The following COL14A1 variants were observed in gnomAD, a reference collection of about 807,000 sequenced individuals.
COL14A1 encodes the protein collagen type XIV alpha 1 chain.
A neutral mutation model predicts 230.3 loss-of-function variants in COL14A1; 136 were observed. The ratio of observed to expected loss-of-function variants is 0.59; its 90% CI spans 0.51 to 0.68. The LOEUF is 0.68. Ranked by LOEUF, COL14A1 falls within the 30% of genes least tolerant of loss-of-function variation. The pLI, the probability that COL14A1 is intolerant of heterozygous loss-of-function variation, is 0.00. For missense variants in COL14A1, 1,976 were observed against 2,215.8 expected, an observed-to-expected ratio of 0.89 and a Z score of 2.17; for synonymous variants, 792 against 784.1, an observed-to-expected ratio of 1.01 and a Z score of -0.17.
chr8:120,349,763 G>A (rs1379239800), intron 45 of COL14A1, among the ~76,000 whole-genome samples: 1 of 132,438 alleles, frequency 7.6e-6, no homozygotes, highest in African/African-American at 3.2e-5. Flanking sequence ...CATCTGATTG[G>A]TTTACCTGAA....
intron 46 of COL14A1, among the ~76,000 whole-genome samples, chr8:120,368,713 G>T (rs1169104667): frequency 6.6e-6 from 1 of 151,774 alleles, no homozygotes; most frequent in African/African-American, 2.4e-5. Context: ...CTAGCTTAAA[G>T]AAATTTTGGA....
At chr8:120,253,447 A>G (rs908405329) in intron 22 of COL14A1, among the ~76,000 whole-genome samples, 1 of 152,190 alleles carries the variant, frequency 6.6e-6, no homozygotes. Context: ...ACATATTTTA[A>G]AAGACTGAGA....
intron 22 of COL14A1, among the ~76,000 whole-genome samples, chr8:120,252,339 G>T (rs543864456): frequency 6.6e-6 from 1 of 151,930 alleles, no homozygotes; most frequent in African/African-American, 2.4e-5. Flanking sequence ...CCCTCACCCC[G>T]CTTCCAAACC....
At chr8:120,132,787 A>C (rs1464749377) in intron 1 of COL14A1, among the ~76,000 whole-genome samples, 1 of 152,172 alleles carries the variant, frequency 6.6e-6, no homozygotes, top group East Asian at 1.9e-4. Flanking sequence ...ATTATACAGG[A>C]ATTATGAATA....
intron 33 of COL14A1, among the ~76,000 whole-genome samples, 161 bp downstream of exon 33, chr8:120,286,131 T>C (rs1319445333): frequency 6.6e-6 from 1 of 152,120 alleles, no homozygotes; most frequent in East Asian, 1.9e-4. Flanking sequence ...GATTCTGATT[T>C]GGTAGTTCTG....
chr8:120,236,329 T>G (rs974807022), intron 19 of COL14A1, among the ~76,000 whole-genome samples: 1 of 152,226 alleles, frequency 6.6e-6, no homozygotes, highest in Non-Finnish European at 1.5e-5. Context: ...TTTAGGATAG[T>G]TAGCTCCTCT....
At chr8:120,152,241 C>A (rs867077104) in intron 2 of COL14A1, among the ~76,000 whole-genome samples, 3 of 151,790 alleles carry the variant, frequency 2.0e-5, no homozygotes, top group Non-Finnish European at 4.4e-5. Flanking sequence ...GCGGGCGGAT[C>A]ACGAGGTCAG....
At chr8:120,203,621 G>A in intron 8 of COL14A1, 88 bp from the exon 9 acceptor site, 1 of 1,208,510 alleles carries the variant, frequency 8.3e-7, no homozygotes, top group Non-Finnish European at 1.2e-6. Flanking sequence ...AGTGAAGATT[G>A]ACTGACTGGG....
chr8:120,257,307 A>T (rs531006640), intron 23 of COL14A1, among the ~76,000 whole-genome samples: 1 of 152,254 alleles, frequency 6.6e-6, no homozygotes, highest in South Asian at 2.1e-4. Context: ...TGTACTTCTC[A>T]TCAACATTTG....
At position 120,158,281 on chromosome 8, in the gene COL14A1, G is replaced by T. The variant is rs1384234419; in HGVS notation, c.205+35G>T. On this transcript the variant is annotated intron_variant, in intron 3 of 47. Transcript: ENST00000297848. ...ATTGACTTTGTTTTGTAGAGCATTA[G>T]CAACTTTTCATGCATAGGCAACTAA... 2.4e-6 allele frequency: 3 copies of T among 1,257,980 alleles called. No homozygotes were observed. The African/African-American group carries it at 4.4e-5, about 19-fold the overall frequency. 77.9% of individuals were successfully genotyped at this position (1,257,980 alleles called of 1,614,324 possible).
Position 120,247,595 on chromosome 8 carries a change from C to G in COL14A1, c.2480-18C>G. On this transcript the variant is annotated intron_variant, in intron 20 of 47. Transcript: ENST00000297848. ...AAATTACACTGAATCCCTGTTTTTC[C>G]TTTTCTTTTCTACTCAGTACCATCC... 1 of 1,597,908 alleles carries G rather than the reference C, an allele frequency of 6.3e-7. No individual in the cohort carries two copies.
At chr8:120,212,375 T>G (rs1817636576) in intron 12 of COL14A1, 73 bp from the exon 13 acceptor site, 2 of 1,515,320 alleles carry the variant, frequency 1.3e-6, no homozygotes, top group Non-Finnish European at 1.8e-6. Context: ...AGTCTCACCT[T>G]TGTTCTGTTC....
At chr8:120,275,232 A>T (rs961081385) in intron 26 of COL14A1, among the ~76,000 whole-genome samples, 1 of 152,038 alleles carries the variant, frequency 6.6e-6, no homozygotes, top group African/African-American at 2.4e-5. Context: ...ATTCAAAAAC[A>T]TAAATTGGGG....
At chr8:120,258,806 G>C (rs1819240984) in intron 23 of COL14A1, among the ~76,000 whole-genome samples, 1 of 152,158 alleles carries the variant, frequency 6.6e-6, no homozygotes, top group Non-Finnish European at 1.5e-5. Flanking sequence ...TCAGAGCCCT[G>C]TGAGGTCCTC....
Position 120,203,771 on chromosome 8 carries a change from G to A in COL14A1, c.940G>A (p.Val314Met). The A allele has an allele frequency of 2.5e-6, 4 of 1,613,954 alleles. No individual in the cohort carries two copies. The highest frequency in any genetic ancestry group is 3.4e-6 in the Non-Finnish European group (4 of 1,179,926). Residue 314 changes from valine (V) to methionine (M), a missense_variant, in exon 9 of 48, where the codon GTG (valine) becomes ATG (methionine). This residue lies in a region of COL14A1 where 1,791 missense variants were observed against 2,019.5 expected (regional missense o/e 0.89). Transcript: ENST00000297848. Reference protein sequence around the residue: ...EIASEPDSTHVYNVAEFDLMH... With the variant: ...EIASEPDSTHMYNVAEFDLMH... ...CGCCTCTGAACCAGACAGCACTCAT[G>A]TGTACAATGTTGCCGAATTCGATCT...
intron 42 of COL14A1, among the ~76,000 whole-genome samples, chr8:120,333,604 C>T (rs148614496): frequency 4.6e-5 from 7 of 152,294 alleles, no homozygotes; most frequent in African/African-American, 1.7e-4. Flanking sequence ...TTCCTGTTAC[C>T]ACTTAACAAA....
At chr8:120,233,631 T>C (rs1431659558) in intron 19 of COL14A1, among the ~76,000 whole-genome samples, 1 of 152,130 alleles carries the variant, frequency 6.6e-6, no homozygotes, top group Admixed American at 6.5e-5. Flanking sequence ...TGGTTGCAGA[T>C]GTGTGGTGTC....
intron 37 of COL14A1, among the ~76,000 whole-genome samples, chr8:120,310,447 G>C (rs1014430542): frequency 6.6e-6 from 1 of 152,130 alleles, no homozygotes; most frequent in Non-Finnish European, 1.5e-5. Flanking sequence ...CTCAGGTTTT[G>C]GATTCCTCCT....
At chr8:120,274,705 G>C (rs763960648) in intron 26 of COL14A1, among the ~76,000 whole-genome samples, 4 of 151,148 alleles carry the variant, frequency 2.6e-5, no homozygotes, top group Non-Finnish European at 4.4e-5. Flanking sequence ...AAGAGATAAG[G>C]CCTGAGGATC....
Sources: allele counts gnomAD v4.1 joint callset (sites outside exome capture counted in the v4.1 genomes callset), GRCh38; gene constraint gnomAD v4.1.1; regional missense constraint gnomAD v4.1.1; transcripts MANE v1.5; gene names NCBI Gene and HGNC (gene_info 2026-07-23, HGNC 2026-07-21).